CAST: variants seen among roughly 807,000 people sequenced by gnomAD.
CAST encodes calpastatin.
Under a neutral mutation model 119.6 loss-of-function variants are expected in CAST, and 76 were observed. The observed-to-expected ratio is 0.64, with a 90% CI of 0.53 to 0.77. CAST has a LOEUF of 0.77. Ranked by LOEUF, CAST falls within the 30% of genes least tolerant of loss-of-function variation. CAST has a pLI of 0.00. For synonymous variants in CAST, 319 were observed against 331.6 expected (o/e 0.96, Z 0.41); for missense variants, 953 against 946.5 (o/e 1.01, Z -0.09).
the CAST span, among the ~76,000 whole-genome samples, chr5:96,108,411 G>A: frequency 6.6e-6 from 1 of 152,158 alleles, no homozygotes; most frequent in Non-Finnish European, 1.5e-5. Flanking sequence ...TGGTGTGGAT[G>A]TCCTTTCTGT....
chr5:96,000,550 G>T, the CAST span, among the ~76,000 whole-genome samples: 2 of 152,132 alleles, frequency 1.3e-5, no homozygotes, highest in East Asian at 1.9e-4. Context: ...GTGAAAGATG[G>T]CAATTTCCAG....
At chr5:96,507,135 C>G in the CAST span, among the ~76,000 whole-genome samples, 1 of 151,808 alleles carries the variant, frequency 6.6e-6, no homozygotes, top group African/African-American at 2.4e-5. Flanking sequence ...TGTATTGGCC[C>G]GAATGCTCAA....
the CAST span, among the ~76,000 whole-genome samples, chr5:96,310,203 C>T: frequency 1.3e-5 from 2 of 152,176 alleles, no homozygotes; most frequent in Non-Finnish European, 2.9e-5. Context: ...AATTTTCTGT[C>T]CCTCATTCTG....
At chr5:96,647,758 T>G (rs991612645) in intron 1 of CAST, among the ~76,000 whole-genome samples, 1 of 152,142 alleles carries the variant, frequency 6.6e-6, no homozygotes, top group African/African-American at 2.4e-5. Context: ...CTAGGACAGA[T>G]CCTTCCCGAG....
At position 96,744,724 on chromosome 5, in the gene CAST, A is replaced by G. The variant is rs147942138; in HGVS notation, c.1201-1618A>G. Among the ~76,000 whole-genome samples, 566 of 152,214 alleles carry G rather than the reference A, an allele frequency of 3.7e-3. 5 individuals carry two copies. Among genetic ancestry groups the G allele is most frequent in the African/African-American group, 0.013 (544 of 41,530 alleles). On this transcript the variant is annotated intron_variant, in intron 16 of 31. Coordinates refer to ENST00000675179, the MANE Select transcript of CAST (RefSeq NM_001750.7). Reference sequence around the variant, plus strand: ...ATCCTAGATAGTCTGATGTGATGAGAAGGCTCAGGAAGGTCACTGTCAGCC... The same window carrying G: ...ATCCTAGATAGTCTGATGTGATGAGGAGGCTCAGGAAGGTCACTGTCAGCC...
chr5:96,464,773 G>A, the CAST span, among the ~76,000 whole-genome samples: 2 of 152,114 alleles, frequency 1.3e-5, no homozygotes, highest in South Asian at 2.1e-4. Flanking sequence ...GTAAACACCT[G>A]GGCAGTCATT....
chr5:96,398,761 A>C, the CAST span: 1 of 871,214 alleles, frequency 1.1e-6, no homozygotes, highest in Non-Finnish European at 1.9e-6. Context: ...CATGTTTTTT[A>C]AGACCTGAAA....
chr5:96,445,129 T>C, the CAST span, among the ~76,000 whole-genome samples: 1 of 152,214 alleles, frequency 6.6e-6, no homozygotes, highest in African/African-American at 2.4e-5. Context: ...TCACTGTGCC[T>C]CACTTAGTTC....
intron 1 of CAST, among the ~76,000 whole-genome samples, chr5:96,655,250 A>G (rs887050338): frequency 1.3e-5 from 2 of 152,178 alleles, no homozygotes; most frequent in African/African-American, 4.8e-5. Flanking sequence ...CAGATGGGAG[A>G]TGTCTCTCGG....
chr5:96,238,892 C>A, the CAST span, among the ~76,000 whole-genome samples: 71 of 152,088 alleles, frequency 4.7e-4, no homozygotes, highest in African/African-American at 1.7e-3. Flanking sequence ...TTGTACATAC[C>A]TCCTTAATCA....
the CAST span, among the ~76,000 whole-genome samples, chr5:96,288,321 AT>A: frequency 6.6e-6 from 1 of 152,316 alleles, no homozygotes; most frequent in East Asian, 1.9e-4. Flanking sequence ...TTGCATAATT[AT>A]TTTTGTTTTC....
At chr5:96,419,184 T>A in the CAST span, among the ~76,000 whole-genome samples, 1 of 151,706 alleles carries the variant, frequency 6.6e-6, no homozygotes, top group Admixed American at 6.6e-5. Flanking sequence ...AAATATCTTG[T>A]GGAATAATTT....
the CAST span, among the ~76,000 whole-genome samples, chr5:96,382,437 T>C: frequency 2.6e-5 from 4 of 152,220 alleles, no homozygotes; most frequent in Non-Finnish European, 5.9e-5. Flanking sequence ...CCACCCCCAG[T>C]GGATCCTCCC....
At chr5:96,200,563 G>A in the CAST span, among the ~76,000 whole-genome samples, 245 of 152,166 alleles carry the variant, frequency 1.6e-3, no homozygotes, top group African/African-American at 5.6e-3. Flanking sequence ...GAGTGTAATG[G>A]GAGCTCTAAG....
chr5:96,713,503 C>T (rs1436574004), intron 3 of CAST, among the ~76,000 whole-genome samples: 2 of 152,146 alleles, frequency 1.3e-5, no homozygotes, highest in Non-Finnish European at 2.9e-5. Context: ...CATAATCTGT[C>T]AGGGTTGTTA....
At chr5:96,073,727 C>T in the CAST span, among the ~76,000 whole-genome samples, 1 of 152,200 alleles carries the variant, frequency 6.6e-6, no homozygotes, top group Admixed American at 6.5e-5. Context: ...ATTGATCTGA[C>T]AGAAGGTGGA....
rs557237510 is a variant in CAST, at chr5:96,694,501, T to C, written c.139-1335T>C. Among the ~76,000 whole-genome samples the C allele has an allele frequency of 4.1e-4, 62 of 152,202 alleles. 1 individual carries two copies. In the East Asian group the frequency reaches 0.012, roughly 28 times the overall value. ...AAAAAATTAGCTGGGCGTGGTGGCA[T>C]GTGCCTGTAATCCCAGGTACTCAGG... On this transcript the variant is annotated intron_variant, in intron 2 of 31. Transcript: ENST00000675179.
the CAST span, among the ~76,000 whole-genome samples, chr5:95,968,006 G>A: frequency 6.6e-6 from 1 of 152,182 alleles, no homozygotes; most frequent in African/African-American, 2.4e-5. Flanking sequence ...AAGTGACAGA[G>A]CCAGGCTAGA....
At chr5:96,597,152 C>T (rs1747067476) in intron 1 of CAST, among the ~76,000 whole-genome samples, 1 of 152,128 alleles carries the variant, frequency 6.6e-6, no homozygotes, top group African/African-American at 2.4e-5. Flanking sequence ...GATCCACGAC[C>T]TCATATATTT....
Sources: allele counts gnomAD v4.1 joint callset (sites outside exome capture counted in the v4.1 genomes callset), GRCh38; gene constraint gnomAD v4.1.1; transcripts MANE v1.5; gene names NCBI Gene and HGNC (gene_info 2026-07-23, HGNC 2026-07-21).